KATNAL2: variants seen among roughly 807,000 people sequenced by gnomAD.
KATNAL2 encodes katanin p60 ATPase-containing subunit A-like 2.
Under a neutral mutation model 76.3 loss-of-function variants are expected in KATNAL2, and 52 were observed. The ratio of observed to expected loss-of-function variants is 0.68; its 90% CI spans 0.55 to 0.86. The LOEUF (loss-of-function observed/expected upper bound fraction) is 0.86, where lower values mean the gene tolerates loss of function less well. KATNAL2 is among the 40% of genes least tolerant of loss of function. The pLI is 0.00. For synonymous variants in KATNAL2, 243 were observed against 244.2 expected, an observed-to-expected ratio of 1.00 and a Z score of 0.05; for missense variants, 660 against 668.9, an observed-to-expected ratio of 0.99 and a Z score of 0.15.
chr18:47,063,322 G>C lies in KATNAL2; in HGVS notation c.687G>C (p.Met229Ile). ...LLKPLSAFIGMNSEMRELAAV... is the reference protein window; with the variant it reads ...LLKPLSAFIGINSEMRELAAV... ...AACCTCTGAGTGCATTTATTGGCAT[G>C]AACAGTGAGATGCGAGAATTGGCAG... Residue 229 changes from methionine (M) to isoleucine (I), a missense_variant, in exon 10 of 18, where the codon ATG becomes ATC. Met to Ile is a conservative substitution (Grantham distance 10). Coordinates refer to ENST00000683218, the MANE Select transcript of KATNAL2 (RefSeq NM_001387690.1). The C allele has an allele frequency of 6.2e-7, 1 of 1,614,010 alleles. No homozygotes were observed. The highest frequency in any genetic ancestry group is 8.5e-7 in the Non-Finnish European group (1 of 1,179,942).
intron 17 of KATNAL2, 56 bp downstream of exon 17, chr18:47,100,412 AC>A: frequency 7.1e-7 from 1 of 1,409,312 alleles, no homozygotes; most frequent in Non-Finnish European, 1.0e-6. Context: ...AATCCCTCTC[AC>A]CAGCAGATGG....
At chr18:47,056,936 T>A (rs2061488482) in intron 6 of KATNAL2, among the ~76,000 whole-genome samples, 1 of 152,168 alleles carries the variant, frequency 6.6e-6, no homozygotes, top group Admixed American at 6.5e-5. Flanking sequence ...ATAGATATTT[T>A]ATTTTTGTGC....
At chr18:46,924,923 C>G in intron 1 of KATNAL2, among the ~76,000 whole-genome samples, 1 of 152,166 alleles carries the variant, frequency 6.6e-6, no homozygotes, top group Non-Finnish European at 1.5e-5. Flanking sequence ...GATTTTTGTA[C>G]ATTGATTTTG....
At chr18:47,084,391 C>A in intron 15 of KATNAL2, 1 of 702,870 alleles carries the variant, frequency 1.4e-6, no homozygotes, top group African/African-American at 1.7e-5. Context: ...CAATCAAGGT[C>A]TTGATTGTGC....
chr18:47,033,405 T>C, intron 3 of KATNAL2: 1 of 1,614,208 alleles, frequency 6.2e-7, no homozygotes, highest in Non-Finnish European at 8.5e-7. Flanking sequence ...TTGTCATTAC[T>C]CTCAGCCGCT....
At chr18:46,932,407 G>A (rs1568984885) in intron 1 of KATNAL2, among the ~76,000 whole-genome samples, 1 of 151,884 alleles carries the variant, frequency 6.6e-6, no homozygotes, top group Non-Finnish European at 1.5e-5. Flanking sequence ...GGGCACGGTG[G>A]CTCACACCTG....
intron 8 of KATNAL2, among the ~76,000 whole-genome samples, chr18:47,061,895 C>T (rs913279487): frequency 6.6e-6 from 1 of 151,708 alleles, no homozygotes; most frequent in African/African-American, 2.4e-5. Flanking sequence ...TTGCTTTTTC[C>T]TTCCTACCTC....
At chr18:47,093,532 C>CT (rs912115319) in intron 15 of KATNAL2, among the ~76,000 whole-genome samples, 6 of 147,976 alleles carry the variant, frequency 4.1e-5, no homozygotes, top group South Asian at 2.2e-4. Flanking sequence ...GTTTGTGTGT[C>CT]TTTTTTTTTC....
At chr18:47,083,661 T>A (rs1173888537) in intron 15 of KATNAL2, among the ~76,000 whole-genome samples, 1 of 152,186 alleles carries the variant, frequency 6.6e-6, no homozygotes, top group Non-Finnish European at 1.5e-5. Context: ...AATTGATGTA[T>A]AAACAAGCAA....
intron 3 of KATNAL2, among the ~76,000 whole-genome samples, chr18:46,959,320 C>A (rs1235335785): frequency 1.3e-5 from 2 of 152,342 alleles, no homozygotes; most frequent in African/African-American, 2.4e-5. Flanking sequence ...ATTCTGACCA[C>A]TGCTACAGCC....
rs1431573305 is a variant in KATNAL2 at position 47,100,321 on chromosome 18, G to A, written c.1442G>A (p.Arg481Lys). The A allele has an allele frequency of 6.2e-7, 1 of 1,614,114 alleles. No homozygotes were observed. Among genetic ancestry groups the A allele is most frequent in the African/African-American group, 1.3e-5 (1 of 75,056 alleles). Residue 481 changes from arginine to lysine, a missense_variant, in exon 17 of 18, where the codon AGG becomes AAG. Transcript: ENST00000683218. Reference sequence around the variant, plus strand: ...AGGGAAGCAGCCATGCGGCCCGTGAGGAAGATCTTTGATGCACTTGAAAAT... The same window carrying A: ...AGGGAAGCAGCCATGCGGCCCGTGAAGAAGATCTTTGATGCACTTGAAAAT... ...VCREAAMRPV[R>K]KIFDALENHQ...
intron 3 of KATNAL2, chr18:47,032,542 C>G (rs759119659): frequency 9.6e-6 from 2 of 208,320 alleles, no homozygotes; most frequent in Non-Finnish European, 1.9e-5. Context: ...AGATCATGCT[C>G]AGCCTTTTAT....
At chr18:46,930,530 A>G (rs2146545232) in intron 1 of KATNAL2, among the ~76,000 whole-genome samples, 1 of 152,158 alleles carries the variant, frequency 6.6e-6, no homozygotes, top group East Asian at 1.9e-4. Context: ...AAAAAAGAAA[A>G]GCAGGCCGGG....
rs569745820 is a variant in KATNAL2 at position 46,944,107 on chromosome 18, T to C, written c.-509-1950T>C. Among the ~76,000 whole-genome samples, 15 of 152,340 alleles carry C rather than the reference T, an allele frequency of 9.8e-5. No individual in the cohort carries two copies. In the East Asian group the frequency reaches 2.5e-3, roughly 25 times the overall value. Reference sequence around the variant, plus strand: ...CTAGTCCAGTACTAGTTACTTGATATGGCCAGAGGAAGAAGCTCTTTGAAA... The same window carrying C: ...CTAGTCCAGTACTAGTTACTTGATACGGCCAGAGGAAGAAGCTCTTTGAAA... On this transcript the variant is annotated intron_variant, in intron 1 of 17. Coordinates refer to ENST00000683218, the MANE Select transcript of KATNAL2 (RefSeq NM_001387690.1).
chr18:46,917,717 C>G lies in KATNAL2; in HGVS notation c.-719C>G. On this transcript the variant is annotated 5_prime_UTR_variant, in exon 1 of 18. Coordinates refer to ENST00000683218, the MANE Select transcript of KATNAL2 (RefSeq NM_001387690.1). ...CCCGGCGGAGGCCCCTGCGGACTGC[C>G]TAGAGCTGGGTCGCAACTGAGGCGT... 1 of 294,862 alleles carries G rather than the reference C, an allele frequency of 3.4e-6. No homozygotes were observed. Among genetic ancestry groups the G allele is most frequent in the Non-Finnish European group, 5.1e-6 (1 of 197,974 alleles). The allele number at this position is 294,862 out of a possible 1,614,324, so 18.3% of individuals were successfully genotyped here. A position where few individuals can be genotyped will look rare whatever the true frequency, so the allele number is the denominator to read the frequency against.
chr18:46,918,377 CCGCCT>C (rs1421148038), intron 1 of KATNAL2, among the ~76,000 whole-genome samples: 5 of 152,206 alleles, frequency 3.3e-5, no homozygotes, highest in Non-Finnish European at 7.3e-5. Flanking sequence ...CTCCTACCTA[CCGCCT>C]CTTCCCACTA....
intron 3 of KATNAL2, chr18:47,035,185 A>G (rs1422576297): frequency 1.2e-6 from 2 of 1,612,188 alleles, no homozygotes; most frequent in Non-Finnish European, 1.7e-6. Context: ...ATATTTCTCT[A>G]GCTTTTTCGG....
chr18:46,943,185 A>G (rs186908080), intron 1 of KATNAL2, among the ~76,000 whole-genome samples: 272 of 152,252 alleles, frequency 1.8e-3, no homozygotes, highest in Admixed American at 4.1e-3. Flanking sequence ...GTTAGAATCC[A>G]TCCAAAGACC....
chr18:46,949,272 C>T lies in KATNAL2; in HGVS notation c.51+2349C>T, dbSNP rs577260388. ...TTCTCCTTCTCCTTCTTCTTTTCTT[C>T]AACAGGGTCTTATTCTGTCACCCAG... On this transcript the variant is annotated intron_variant, in intron 3 of 17. Transcript: ENST00000683218. Among the ~76,000 whole-genome samples, 32 of 152,032 alleles carry T rather than the reference C, an allele frequency of 2.1e-4. No homozygotes were observed. The South Asian group carries it at 6.4e-3, about 31-fold the overall frequency.
Sources: allele counts gnomAD v4.1 joint callset (sites outside exome capture counted in the v4.1 genomes callset), GRCh38; gene constraint gnomAD v4.1.1; transcripts MANE v1.5; gene names NCBI Gene and HGNC (gene_info 2026-07-23, HGNC 2026-07-21).